CENPC: variants seen among roughly 807,000 people sequenced by gnomAD.
CENPC encodes the protein centromere protein C.
In CENPC, 63 loss-of-function variants were observed where a neutral mutation model predicts 112.1. That is an observed-to-expected ratio of 0.56 (90% CI 0.46 to 0.69). The LOEUF (loss-of-function observed/expected upper bound fraction) is 0.69. Ranked by LOEUF, CENPC falls within the 30% of genes least tolerant of loss-of-function variation. The pLI, the probability that CENPC is intolerant of heterozygous loss-of-function variation, is 0.00. For missense variants in CENPC, 1,000 were observed against 1,103.8 expected, an observed-to-expected ratio of 0.91 and a Z score of 1.33; for synonymous variants, 333 against 367.6, an observed-to-expected ratio of 0.91 and a Z score of 1.08.
At chr4:67,535,522 T>C (rs1014963352) in intron 4 of CENPC, among the ~76,000 whole-genome samples, 7 of 151,682 alleles carry the variant, frequency 4.6e-5, no homozygotes, top group African/African-American at 1.7e-4. Flanking sequence ...TACTTAGACG[T>C]TTGTCATAGA....
At position 67,472,073 on chromosome 4, in the gene CENPC, A is replaced by G. The variant is rs537205832; in HGVS notation, c.*532T>C. ...AATAAGGAAGGATTCTCTCCCTTAC[A>G]GGTTTTCAAAGACATCACGGCCTTG... On this transcript the variant is annotated 3_prime_UTR_variant, in exon 19 of 19. Coordinates refer to ENST00000273853, the MANE Select transcript of CENPC (RefSeq NM_001812.4). 1 of 152,344 alleles carries G rather than the reference A, an allele frequency of 6.6e-6. No individual in the cohort carries two copies. The highest frequency in any genetic ancestry group is 1.9e-4 in the East Asian group (1 of 5,182). The allele number at this position is 152,344 out of a possible 1,614,324, so 9.4% of individuals were successfully genotyped here. A position where few individuals can be genotyped will look rare whatever the true frequency, so the allele number is the denominator to read the frequency against.
intron 12 of CENPC, among the ~76,000 whole-genome samples, chr4:67,502,189 GA>G (rs1035148977): frequency 2.7e-5 from 4 of 146,864 alleles, no homozygotes; most frequent in African/African-American, 5.0e-5. Context: ...TGTTTAAAAA[GA>G]AAAAAAAAAT....
chr4:67,483,624 T>C (rs1560419885), intron 17 of CENPC, among the ~76,000 whole-genome samples: 1 of 152,086 alleles, frequency 6.6e-6, no homozygotes, highest in Non-Finnish European at 1.5e-5. Context: ...ACCAATGTTA[T>C]TATAGGAGAT....
At chr4:67,534,028 T>C (rs6829533) in intron 4 of CENPC, among the ~76,000 whole-genome samples, 32,968 of 151,588 alleles carry the variant, frequency 0.22, 3,624 homozygotes, top group South Asian at 0.27. Flanking sequence ...CAAGACCCTG[T>C]CTCAAAAAAA....
At chr4:67,533,435 C>T (rs1205405502) in intron 4 of CENPC, among the ~76,000 whole-genome samples, 1 of 152,196 alleles carries the variant, frequency 6.6e-6, no homozygotes, top group Non-Finnish European at 1.5e-5. Context: ...ATACACTACA[C>T]TGCTGTTGAG....
rs779476972 is a variant in CENPC, at chr4:67,492,251, C to T, written c.2444G>A (p.Gly815Asp). Residue 815 changes from glycine to aspartate, a missense_variant, in exon 16 of 19, where the codon GGT becomes GAT. Transcript: ENST00000273853. ...ERKTNLMVNL[G>D]IPLGDPLQPT... Reference sequence around the variant, plus strand: ...CTGCAAAGGATCTCCAAGAGGTATACCTAGATTTACCATTAAGTTAGTCTC... The same window carrying T: ...CTGCAAAGGATCTCCAAGAGGTATATCTAGATTTACCATTAAGTTAGTCTC... The T allele has an allele frequency of 1.3e-6, 2 of 1,562,180 alleles. No homozygotes were observed. Among genetic ancestry groups the T allele is most frequent in the African/African-American group, 1.4e-5 (1 of 74,004 alleles).
At chr4:67,480,399 T>C (rs1724921212) in intron 17 of CENPC, among the ~76,000 whole-genome samples, 1 of 151,264 alleles carries the variant, frequency 6.6e-6, no homozygotes, top group Admixed American at 6.6e-5. Context: ...ACATTCAATT[T>C]ATCTATCAGA....
chr4:67,500,554 C>CA (rs1407609337), intron 12 of CENPC, among the ~76,000 whole-genome samples: 1 of 151,864 alleles, frequency 6.6e-6, no homozygotes, highest in Admixed American at 6.6e-5. Context: ...CATCTTATGC[C>CA]AAAAAACAAA....
In CENPC at chr4:67,490,078, A is replaced by G; in HGVS notation, c.2559T>C (p.His853=). ...PQDTYQFFVK[H]GELKVYKTLD... Reference sequence around the variant, plus strand: ...ATGTCTTGTATACCTTCAACTCACCATGCTTAACAAAAAATTGATATGTAT... The same window carrying G: ...ATGTCTTGTATACCTTCAACTCACCGTGCTTAACAAAAAATTGATATGTAT... The change falls in exon 17 of 19, where the codon CAT becomes CAC. Residue 853 remains histidine, a synonymous_variant. Coordinates refer to ENST00000273853, the MANE Select transcript of CENPC (RefSeq NM_001812.4). 6.2e-7 allele frequency: 1 copy of G among 1,609,296 alleles called. No homozygotes were observed. Among genetic ancestry groups the G allele is most frequent in the Non-Finnish European group, 8.5e-7 (1 of 1,178,086 alleles).
chr4:67,514,606 T>C lies in CENPC; in HGVS notation c.912A>G (p.Ile304Met). The C allele has an allele frequency of 1.2e-6, 2 of 1,607,824 alleles. No individual in the cohort carries two copies. The highest frequency in any genetic ancestry group is 1.7e-6 in the Non-Finnish European group (2 of 1,177,092). ...CAAAACTTTGATCCGACTCATCAAT[T>C]ATAAATTCATCCTCTATCAACTTCG... is the stretch of plus-strand genomic sequence containing the variant. The part of the protein sequence containing the change: ...DDTKLIEDEF[I>M]IDESDQSFAS... The change falls in exon 8 of 19, where the codon ATA becomes ATG. Residue 304 changes from isoleucine to methionine, a missense_variant. By Grantham distance (10) the Ile-to-Met change is conservative (BLOSUM62 1). Coordinates refer to ENST00000273853, the MANE Select transcript of CENPC (RefSeq NM_001812.4).
rs1727008601 is a variant in CENPC at position 67,545,458 on chromosome 4, G to A, written c.-103C>T. ...AAACGAATCGCCGGAATACCAGGCCGCGGCCAAGCAATAACCTTAAGTCTC... is the reference window on the plus strand; with the variant it reads ...AAACGAATCGCCGGAATACCAGGCCACGGCCAAGCAATAACCTTAAGTCTC... On this transcript the variant is annotated 5_prime_UTR_variant, in exon 1 of 19. Transcript: ENST00000273853. The A allele has an allele frequency of 2.4e-6, 3 of 1,276,354 alleles. No homozygotes were observed. The highest frequency in any genetic ancestry group is 3.1e-6 in the Non-Finnish European group (3 of 958,390). The allele number at this position is 1,276,354 out of a possible 1,614,324, so 79.1% of individuals were successfully genotyped here.
At chr4:67,537,702 A>T (rs1398943199) in intron 4 of CENPC, among the ~76,000 whole-genome samples, 1 of 152,182 alleles carries the variant, frequency 6.6e-6, no homozygotes, top group Admixed American at 6.5e-5. Context: ...CTGAGGCAGG[A>T]GAATCATTTG....
At position 67,477,419 on chromosome 4, in the gene CENPC, A is replaced by G. The variant is rs554871109; in HGVS notation, c.2671-2441T>C. Among the ~76,000 whole-genome samples the G allele has an allele frequency of 9.9e-5, 15 of 152,284 alleles. No individual in the cohort carries two copies. In the East Asian group the frequency reaches 2.1e-3, roughly 22 times the overall value. On this transcript the variant is annotated intron_variant, in intron 17 of 18. Transcript: ENST00000273853. Reference sequence around the variant, plus strand: ...TCCCAGTACCAGCCTGGAGCCCCATAGCTCTGCTGGGTAGCTAGACACAGA... The same window carrying G: ...TCCCAGTACCAGCCTGGAGCCCCATGGCTCTGCTGGGTAGCTAGACACAGA...
At chr4:67,529,076 A>C (rs943517321) in intron 5 of CENPC, among the ~76,000 whole-genome samples, 3 of 152,140 alleles carry the variant, frequency 2.0e-5, no homozygotes, top group African/African-American at 7.2e-5. Flanking sequence ...TGAAGATTTC[A>C]AGCATCCTTT....
intron 16 of CENPC, among the ~76,000 whole-genome samples, chr4:67,490,854 AT>A (rs1215386384): frequency 6.5e-3 from 129 of 19,804 alleles, no homozygotes; most frequent in Middle Eastern, 0.028. Flanking sequence ...ATATATATAT[AT>A]ATATATATAT....
intron 8 of CENPC, 77 bp from the exon 9 acceptor site, chr4:67,512,646 A>G: frequency 9.9e-7 from 1 of 1,014,906 alleles, no homozygotes; most frequent in Non-Finnish European, 1.4e-6. Context: ...TTATAAAAAA[A>G]CCGTCAATTA....
chr4:67,537,701 G>A (rs1325464441), intron 4 of CENPC, among the ~76,000 whole-genome samples: 1 of 152,164 alleles, frequency 6.6e-6, no homozygotes, highest in Non-Finnish European at 1.5e-5. Context: ...ACTGAGGCAG[G>A]AGAATCATTT....
chr4:67,508,826 A>C lies in CENPC; in HGVS notation c.1892T>G (p.Leu631Arg), dbSNP rs1725807736. ...TAACAGACATTACCTAGAACAATCA[A>C]GATTTTTCTTCTTAGCCAAGTCTGC... ...DEADLAKKKNLDCSRSTRSSK... is the reference protein window; with the variant it reads ...DEADLAKKKNRDCSRSTRSSK... Residue 631 changes from leucine to arginine, a missense_variant, in exon 10 of 19, where the codon CTT becomes CGT. Physicochemically the swap from Leu to Arg is moderately radical, Grantham distance 102 (BLOSUM62 -2). Transcript: ENST00000273853. 6.2e-7 allele frequency: 1 copy of C among 1,612,952 alleles called. No individual in the cohort carries two copies. Among genetic ancestry groups the C allele is most frequent in the Non-Finnish European group, 8.5e-7 (1 of 1,179,520 alleles).
At chr4:67,486,391 A>G (rs1361615665) in intron 17 of CENPC, among the ~76,000 whole-genome samples, 1 of 152,214 alleles carries the variant, frequency 6.6e-6, no homozygotes, top group Admixed American at 6.5e-5. Context: ...ACACCTAAAA[A>G]ATAAATATTT....
Sources: gnomAD v4.1 joint callset for allele counts (sites outside exome capture counted in the v4.1 genomes callset) on GRCh38, gnomAD v4.1.1 for gene constraint, MANE v1.5 for transcripts, NCBI Gene and HGNC (gene_info 2026-07-23, HGNC 2026-07-21) for gene names.